ZC3H13: variants seen among roughly 807,000 people sequenced by gnomAD.
The protein encoded by ZC3H13 is zinc finger CCCH domain-containing protein 13.
In ZC3H13, 64 loss-of-function variants were observed where a neutral mutation model predicts 204.1. The observed-to-expected ratio is 0.31, with a 90% CI of 0.26 to 0.39. ZC3H13 has a LOEUF of 0.39. Ranked by LOEUF, ZC3H13 falls within the 10% of genes least tolerant of loss-of-function variation. The pLI, the probability that ZC3H13 is intolerant of heterozygous loss-of-function variation, is 1.00. For missense variants in ZC3H13, 1,833 were observed against 2,082.7 expected (o/e 0.88, Z 2.33); for synonymous variants, 667 against 693.7 (o/e 0.96, Z 0.60).
intron 8 of ZC3H13, 91 bp from the exon 9 acceptor site, chr13:45,989,188 A>G: frequency 4.0e-6 from 5 of 1,236,784 alleles, no homozygotes; most frequent in Non-Finnish European, 5.6e-6. Context: ...AGTGAATATG[A>G]AAGTATAGAC....
chr13:46,011,602 T>C lies in ZC3H13; in HGVS notation c.449-48A>G, dbSNP rs1232864025. On this transcript the variant is annotated intron_variant, in intron 5 of 18. Transcript: ENST00000679008. Reference sequence around the variant, plus strand: ...TGTTAGAAACTAGCATAATTATCTATGCCAAAAATCATACAGACTTTTTTC... The same window carrying C: ...TGTTAGAAACTAGCATAATTATCTACGCCAAAAATCATACAGACTTTTTTC... 7 of 1,446,350 alleles carry C rather than the reference T, an allele frequency of 4.8e-6. No individual in the cohort carries two copies. The East Asian group carries it at 1.4e-4, about 30-fold the overall frequency. The allele number at this position is 1,446,350 out of a possible 1,614,324, so 89.6% of individuals were successfully genotyped here. A position where few individuals can be genotyped will look rare whatever the true frequency, so the allele number is the denominator to read the frequency against.
intron 5 of ZC3H13, among the ~76,000 whole-genome samples, chr13:46,012,139 C>A (rs1359265138): frequency 6.6e-6 from 1 of 152,170 alleles, no homozygotes; most frequent in Non-Finnish European, 1.5e-5. Flanking sequence ...GTGATTTGTA[C>A]TATTTCCTTA....
chr13:45,975,170 T>A, intron 12 of ZC3H13, 113 bp downstream of exon 12: 1 of 1,459,086 alleles, frequency 6.9e-7, no homozygotes. Context: ...CAGGAAAATA[T>A]ACAGAGAAAA....
chr13:46,008,289 G>C (rs149607106), intron 7 of ZC3H13, among the ~76,000 whole-genome samples: 29 of 148,232 alleles, frequency 2.0e-4, no homozygotes, highest in African/African-American at 6.2e-4. Context: ...ACACACTCTA[G>C]GAAATGTAAA....
At chr13:46,024,536 C>T (rs1262998266) in intron 4 of ZC3H13, among the ~76,000 whole-genome samples, 1 of 152,014 alleles carries the variant, frequency 6.6e-6, no homozygotes, top group Admixed American at 6.6e-5. Context: ...CATCCTGTTG[C>T]TTCTTTGCAT....
In ZC3H13 at chr13:45,968,880, T is replaced by G. The variant is rs1317929715; in HGVS notation, c.3664A>C (p.Ser1222Arg). Residue 1222 changes from serine (S) to arginine (R), a missense_variant, in exon 14 of 19, where the codon AGT (serine) becomes CGT (arginine). By Grantham distance (110) the Ser-to-Arg change is moderately radical. Transcript: ENST00000679008. Reference sequence around the variant, plus strand: ...CTGTGCAGTACTCTCTTTCGACCACTTTGGTCATCTCCACTTCGATGGGCT... The same window carrying G: ...CTGTGCAGTACTCTCTTTCGACCACGTTGGTCATCTCCACTTCGATGGGCT... ...DSAHRSGDDQ[S>R]GRKRVLHSGS... is the part of the protein sequence containing the mutation. The G allele has an allele frequency of 6.2e-6, 10 of 1,614,038 alleles. No individual in the cohort carries two copies. The highest frequency in any genetic ancestry group is 8.5e-6 in the Non-Finnish European group (10 of 1,180,032).
In ZC3H13 at chr13:45,959,665, C is replaced by T; in HGVS notation, c.4676-19G>A. On this transcript the variant is annotated intron_variant, in intron 17 of 18. Transcript: ENST00000679008. Reference sequence around the variant, plus strand: ...TCTGCATCTTTCAAAAAAAAGTAAACATGCATTAAGTTTTACTAAAATAGA... The same window carrying T: ...TCTGCATCTTTCAAAAAAAAGTAAATATGCATTAAGTTTTACTAAAATAGA... 1 of 1,507,486 alleles carries T rather than the reference C, an allele frequency of 6.6e-7. No homozygotes were observed. The highest frequency in any genetic ancestry group is 8.9e-7 in the Non-Finnish European group (1 of 1,129,890). 93.4% of individuals were successfully genotyped at this position (1,507,486 alleles called of 1,614,324 possible). A position where few individuals can be genotyped will look rare whatever the true frequency, so the allele number is the denominator to read the frequency against.
intron 4 of ZC3H13, among the ~76,000 whole-genome samples, chr13:46,040,062 G>C (rs149114685): frequency 6.7e-4 from 102 of 152,272 alleles, no homozygotes; most frequent in African/African-American, 2.2e-3. Context: ...CAGTAGATTA[G>C]GGGTGGAATA....
chr13:46,044,856 T>A, intron 3 of ZC3H13, 99 bp downstream of exon 3: 1 of 751,090 alleles, frequency 1.3e-6, no homozygotes, highest in East Asian at 3.1e-5. Flanking sequence ...ATATAGAAAA[T>A]CTGACCAAAT....
chr13:46,043,264 T>C (rs2043714242), intron 3 of ZC3H13, among the ~76,000 whole-genome samples: 1 of 151,998 alleles, frequency 6.6e-6, no homozygotes, highest in African/African-American at 2.4e-5. Context: ...ATTTTATGAA[T>C]ATAAATCATA....
In ZC3H13 at chr13:45,957,021, T is replaced by A; in HGVS notation, c.*106A>T. ...TCACTCTTTTAGCATGGCTGATAAA[T>A]CTTTTCTGCCTTTGTCACTAATGCT... On this transcript the variant is annotated 3_prime_UTR_variant, in exon 19 of 19. Transcript: ENST00000679008. 2 of 1,060,214 alleles carry A rather than the reference T, an allele frequency of 1.9e-6. No homozygotes were observed. The highest frequency in any genetic ancestry group is 7.4e-5 in the South Asian group (2 of 26,970). 65.7% of individuals were successfully genotyped at this position (1,060,214 alleles called of 1,614,324 possible). A position where few individuals can be genotyped will look rare whatever the true frequency, so the allele number is the denominator to read the frequency against.
chr13:45,983,140 C>G (rs994044586), intron 10 of ZC3H13, among the ~76,000 whole-genome samples: 2 of 151,728 alleles, frequency 1.3e-5, no homozygotes, highest in Non-Finnish European at 2.9e-5. Flanking sequence ...TGCATTCAAC[C>G]ATTACAAATG....
At chr13:46,040,927 A>G (rs1353834058) in intron 4 of ZC3H13, among the ~76,000 whole-genome samples, 1 of 152,192 alleles carries the variant, frequency 6.6e-6, no homozygotes, top group Admixed American at 6.5e-5. Context: ...AAAAAGTTAG[A>G]TAACAAAAGT....
chr13:45,985,272 T>A (rs772654479), intron 10 of ZC3H13, 25 bp downstream of exon 10: 2 of 1,577,674 alleles, frequency 1.3e-6, no homozygotes, highest in Non-Finnish European at 1.7e-6. Flanking sequence ...TAAGATATAG[T>A]TCATAGACAA....
chr13:45,960,252 C>T (rs1448278753), intron 17 of ZC3H13, among the ~76,000 whole-genome samples: 1 of 152,028 alleles, frequency 6.6e-6, no homozygotes, highest in Non-Finnish European at 1.5e-5. Flanking sequence ...TCACCGCCCC[C>T]AGCCCCAGGG....
At chr13:45,959,399 T>A (rs919783021) in intron 18 of ZC3H13, 84 bp downstream of exon 18, 1 of 1,316,678 alleles carries the variant, frequency 7.6e-7, no homozygotes, top group Non-Finnish European at 1.0e-6. Flanking sequence ...AACATAAGAT[T>A]GCAATCTCAA....
intron 8 of ZC3H13, among the ~76,000 whole-genome samples, chr13:45,999,571 T>C (rs560641550): frequency 6.6e-6 from 1 of 152,386 alleles, no homozygotes; most frequent in East Asian, 1.9e-4. Flanking sequence ...CTAGTTCTCT[T>C]GCTATTTCCA....
At chr13:45,989,921 A>G (rs1364453552) in intron 8 of ZC3H13, among the ~76,000 whole-genome samples, 1 of 152,242 alleles carries the variant, frequency 6.6e-6, no homozygotes, top group Non-Finnish European at 1.5e-5. Context: ...ATGCCCAGAT[A>G]AATATTCCTC....
At chr13:46,002,990 AATT>A (rs567542837) in intron 8 of ZC3H13, 146 bp downstream of exon 8, 72 of 629,288 alleles carry the variant, frequency 1.1e-4, no homozygotes, top group Middle Eastern at 8.9e-4. Context: ...TCATAATAAT[AATT>A]ATTATGGGAA....
Sources: allele counts gnomAD v4.1 joint callset (sites outside exome capture counted in the v4.1 genomes callset), GRCh38; gene constraint gnomAD v4.1.1; transcripts MANE v1.5; gene names NCBI Gene and HGNC (gene_info 2026-07-23, HGNC 2026-07-21).